Variants in VTI1A observed in about 807,000 individuals in gnomAD.
VTI1A encodes vesicle transport through interaction with t-SNAREs homolog 1A.
VTI1A carries 22 observed loss-of-function variants against 34.9 expected under a neutral mutation model. The ratio of observed to expected loss-of-function variants is 0.63; its 90% CI spans 0.45 to 0.90. The LOEUF is 0.90. VTI1A is among the 40% of genes least tolerant of loss of function. The pLI, the probability that VTI1A is intolerant of heterozygous loss-of-function variation, is 0.00. For synonymous variants in VTI1A, 87 were observed against 97.3 expected (o/e 0.89, Z 0.62); for missense variants, 268 against 275.6 (o/e 0.97, Z 0.20).
chr10:112,788,833 T>G (rs941818564), intron 7 of VTI1A, among the ~76,000 whole-genome samples: 37 of 152,166 alleles, frequency 2.4e-4, no homozygotes, highest in African/African-American at 8.7e-4. Context: ...CATTTTTAAA[T>G]GTTCTCAGTC....
At chr10:112,822,181 C>A (rs915745086), downstream of VTI1A, among the ~76,000 whole-genome samples, 2 of 152,034 alleles carry the variant, frequency 1.3e-5, no homozygotes, top group Non-Finnish European at 2.9e-5. Context: ...GGGCTTGGTT[C>A]CCTAGGACCA....
At chr10:112,796,115 G>A (rs746426127) in intron 7 of VTI1A, among the ~76,000 whole-genome samples, 28 of 152,070 alleles carry the variant, frequency 1.8e-4, no homozygotes, top group Admixed American at 1.4e-3. Flanking sequence ...AAGCTGTCAC[G>A]GGGCCACGCG....
At chr10:112,529,330 C>T (rs985794133) in intron 4 of VTI1A, among the ~76,000 whole-genome samples, 2 of 152,052 alleles carry the variant, frequency 1.3e-5, no homozygotes, top group African/African-American at 4.8e-5. Context: ...TGTTTTAAGG[C>T]TCTTTGTCAT....
intron 7 of VTI1A, among the ~76,000 whole-genome samples, chr10:112,715,133 G>A (rs1023696785): frequency 2.0e-5 from 3 of 151,914 alleles, no homozygotes; most frequent in Non-Finnish European, 4.4e-5. Flanking sequence ...GGTATGTAAC[G>A]ATGGGGTAGG....
chr10:112,759,447 T>C (rs1851385110), intron 7 of VTI1A, among the ~76,000 whole-genome samples: 1 of 152,152 alleles, frequency 6.6e-6, no homozygotes, highest in African/African-American at 2.4e-5. Flanking sequence ...CTTAATAAAA[T>C]CCATTTCTTA....
chr10:112,744,932 G>C (rs1392973789), intron 7 of VTI1A, among the ~76,000 whole-genome samples: 4 of 152,030 alleles, frequency 2.6e-5, no homozygotes, highest in Non-Finnish European at 5.9e-5. Flanking sequence ...TTACAGTTTG[G>C]GGTACTCCCT....
At chr10:112,758,526 G>A (rs1029964912) in intron 7 of VTI1A, among the ~76,000 whole-genome samples, 2 of 152,204 alleles carry the variant, frequency 1.3e-5, no homozygotes, top group Non-Finnish European at 2.9e-5. Flanking sequence ...GTGATTCCAG[G>A]GCAAGACATC....
At chr10:112,677,270 G>A (rs1848066463) in intron 7 of VTI1A, among the ~76,000 whole-genome samples, 1 of 152,136 alleles carries the variant, frequency 6.6e-6, no homozygotes, top group South Asian at 2.1e-4. Context: ...ATGAGCTTTT[G>A]TCTATACTCT....
chr10:112,732,656 G>A (rs1162993558), intron 7 of VTI1A, among the ~76,000 whole-genome samples: 2 of 152,156 alleles, frequency 1.3e-5, no homozygotes, highest in Admixed American at 6.5e-5. Flanking sequence ...GTGGCTTTTG[G>A]AGATCCATTA....
intron 1 of VTI1A, among the ~76,000 whole-genome samples, chr10:112,457,297 C>T (rs541555895): frequency 1.3e-5 from 2 of 152,308 alleles, no homozygotes; most frequent in African/African-American, 4.8e-5. Flanking sequence ...CAAATTCTTG[C>T]TGTGTCCTGC....
intron 5 of VTI1A, among the ~76,000 whole-genome samples, chr10:112,553,622 G>A (rs1382892838): frequency 6.6e-6 from 1 of 152,230 alleles, no homozygotes; most frequent in African/African-American, 2.4e-5. Flanking sequence ...CTAGGCTTCA[G>A]CTGTCTTTTG....
the VTI1A span, among the ~76,000 whole-genome samples, chr10:112,845,949 C>T: frequency 6.6e-6 from 1 of 151,940 alleles, no homozygotes; most frequent in Non-Finnish European, 1.5e-5. Flanking sequence ...ACCCGGGAGG[C>T]GGAGGTTGCA....
chr10:112,638,683 G>A (rs1380923843), intron 5 of VTI1A, among the ~76,000 whole-genome samples: 1 of 150,674 alleles, frequency 6.6e-6, no homozygotes, highest in African/African-American at 2.4e-5. Flanking sequence ...TAGTTTAAAT[G>A]TAGCACAAAT....
the VTI1A span, among the ~76,000 whole-genome samples, chr10:112,852,797 T>G: frequency 6.6e-6 from 1 of 152,194 alleles, no homozygotes; most frequent in African/African-American, 2.4e-5. Flanking sequence ...GTTTGTTTTT[T>G]GAGACAGAGT....
intron 3 of VTI1A, among the ~76,000 whole-genome samples, chr10:112,488,062 A>AT (rs1848702913): frequency 6.6e-6 from 1 of 152,218 alleles, no homozygotes; most frequent in Non-Finnish European, 1.5e-5. Context: ...TTATAAATAA[A>AT]TTAAAAGAGT....
chr10:112,737,554 T>G (rs1488215703), intron 7 of VTI1A: 10 of 1,049,978 alleles, frequency 9.5e-6, no homozygotes, highest in Non-Finnish European at 1.1e-5. Flanking sequence ...GCAAGGAGCC[T>G]GCATTCCCAG....
chr10:112,735,289 G>C (rs977513549), intron 7 of VTI1A, among the ~76,000 whole-genome samples: 1 of 152,132 alleles, frequency 6.6e-6, no homozygotes, highest in Admixed American at 6.5e-5. Flanking sequence ...CTGTACACTT[G>C]TTTCACTCAA....
At chr10:112,651,111 C>T (rs888719533) in intron 5 of VTI1A, among the ~76,000 whole-genome samples, 1 of 152,148 alleles carries the variant, frequency 6.6e-6, no homozygotes, top group South Asian at 2.1e-4. Context: ...TCTGTTATAT[C>T]CAGCTACTGT....
intron 2 of VTI1A, among the ~76,000 whole-genome samples, chr10:112,461,379 C>G (rs1440082644): frequency 6.6e-6 from 1 of 152,146 alleles, no homozygotes; most frequent in Non-Finnish European, 1.5e-5. Context: ...CTTGGCAGAC[C>G]AGGCAAGACA....
Sources: gnomAD v4.1 joint callset for allele counts (sites outside exome capture counted in the v4.1 genomes callset) on GRCh38, gnomAD v4.1.1 for gene constraint, MANE v1.5 for transcripts, NCBI Gene and HGNC (gene_info 2026-07-23, HGNC 2026-07-21) for gene names.